TMPRSS15: variants seen among roughly 807,000 people sequenced by gnomAD.
TMPRSS15 encodes enteropeptidase.
TMPRSS15 carries 128 observed loss-of-function variants against 125.3 expected under a neutral mutation model. The observed-to-expected ratio is 1.02, with a 90% CI of 0.89 to 1.18. The LOEUF is 1.18. TMPRSS15 is among the 50% of genes most tolerant of loss of function. The pLI is 0.00. For synonymous variants in TMPRSS15, 446 were observed against 423.2 expected (o/e 1.05, Z -0.66); for missense variants, 1,283 against 1,212.7 (o/e 1.06, Z -0.86).
chr21:18,288,857 C>A (rs926622334), intron 21 of TMPRSS15, among the ~76,000 whole-genome samples: 44 of 152,062 alleles, frequency 2.9e-4, no homozygotes, highest in African/African-American at 1.0e-3. Context: ...TTTTTATCTG[C>A]AAATATTACC....
At chr21:18,451,601 A>G (rs1436630523) in intron 1 of TMPRSS15, among the ~76,000 whole-genome samples, 59 of 152,180 alleles carry the variant, frequency 3.9e-4, no homozygotes, top group Admixed American at 2.0e-4. Context: ...GTGTGCTTAC[A>G]TGAGCTCTGG....
At chr21:18,397,850 T>C in intron 3 of TMPRSS15, 29 bp downstream of exon 3, 1 of 1,272,590 alleles carries the variant, frequency 7.9e-7, no homozygotes, top group Non-Finnish European at 1.1e-6. Context: ...TAATTTTCCA[T>C]CAGTAGAAAA....
chr21:18,319,274 T>G (rs549606059), intron 16 of TMPRSS15, among the ~76,000 whole-genome samples: 1 of 152,042 alleles, frequency 6.6e-6, no homozygotes, highest in Non-Finnish European at 1.5e-5. Context: ...TAGGAGTAAA[T>G]ACTACTTTTG....
At chr21:18,331,332 G>C (rs13046051) in intron 14 of TMPRSS15, among the ~76,000 whole-genome samples, 31,327 of 151,920 alleles carry the variant, frequency 0.21, 3,490 homozygotes, top group Non-Finnish European at 0.24. Flanking sequence ...ATTTAGCTTA[G>C]TGGCCTTAAC....
At chr21:18,444,347 G>A (rs2076250227) in intron 1 of TMPRSS15, among the ~76,000 whole-genome samples, 1 of 152,194 alleles carries the variant, frequency 6.6e-6, no homozygotes, top group Non-Finnish European at 1.5e-5. Flanking sequence ...CATGGTTGAA[G>A]CTGGAAACCA....
At chr21:18,443,719 C>T (rs12483571) in intron 1 of TMPRSS15, among the ~76,000 whole-genome samples, 34,146 of 152,140 alleles carry the variant, frequency 0.22, 6,179 homozygotes, top group African/African-American at 0.5. Flanking sequence ...CACTTCTGTC[C>T]GAACTCAGCC....
chr21:18,438,342 G>A (rs2076233466), intron 1 of TMPRSS15, among the ~76,000 whole-genome samples: 1 of 108,160 alleles, frequency 9.2e-6, no homozygotes, highest in Admixed American at 1.2e-4. Context: ...GGGGGGAGGG[G>A]GGAGGGATAG....
intron 1 of TMPRSS15, among the ~76,000 whole-genome samples, chr21:18,466,444 G>A (rs1449924836): frequency 2.7e-5 from 4 of 150,166 alleles, no homozygotes; most frequent in African/African-American, 9.9e-5. Context: ...CTTCTGCACA[G>A]CAAAAAAAAA....
chr21:18,471,317 A>C (rs1441191522), intron 1 of TMPRSS15, among the ~76,000 whole-genome samples: 1 of 152,060 alleles, frequency 6.6e-6, no homozygotes, highest in Non-Finnish European at 1.5e-5. Flanking sequence ...TAGATGCATT[A>C]TTGTTCCCCT....
chr21:18,325,601 TATTTCTCTTCCTATGGAAGAGAAAGAGAG>T, intron 16 of TMPRSS15, among the ~76,000 whole-genome samples: 1 of 152,086 alleles, frequency 6.6e-6, no homozygotes, highest in African/African-American at 2.4e-5. Flanking sequence ...ATTCCATAAA[TATTTCTCTTCCTATGGAAGAGAAAGAGAG>T]ATGTAGGAAG....
At chr21:18,380,587 G>A in intron 4 of TMPRSS15, 2 of 470,262 alleles carry the variant, frequency 4.3e-6, no homozygotes, top group South Asian at 1.6e-5. Flanking sequence ...CAAAGATGCT[G>A]GAATAACGTA....
chr21:18,473,382 C>T (rs1285752798), intron 1 of TMPRSS15, among the ~76,000 whole-genome samples: 6 of 152,002 alleles, frequency 3.9e-5, no homozygotes, highest in African/African-American at 1.4e-4. Context: ...TATCCATAAC[C>T]ATGACCAAGG....
intron 18 of TMPRSS15, among the ~76,000 whole-genome samples, chr21:18,306,516 C>T (rs1333130311): frequency 6.6e-6 from 1 of 152,068 alleles, no homozygotes; most frequent in East Asian, 1.9e-4. Context: ...ATTTGATGTT[C>T]CTGATATTTA....
chr21:18,347,236 T>C (rs1383523932), intron 10 of TMPRSS15, among the ~76,000 whole-genome samples: 2 of 151,840 alleles, frequency 1.3e-5, no homozygotes, highest in Middle Eastern at 3.2e-3. Flanking sequence ...TATTCTGTCA[T>C]GTATATATTT....
At chr21:18,294,785 C>G (rs2074882179) in intron 19 of TMPRSS15, 133 bp from the exon 20 acceptor site, 1 of 789,228 alleles carries the variant, frequency 1.3e-6, no homozygotes, top group African/African-American at 1.7e-5. Flanking sequence ...TGTAGGGAGA[C>G]TGAATTGTAA....
At position 18,419,648 on chromosome 21, in the gene TMPRSS15, T is replaced by C. The variant is rs186760190; in HGVS notation, c.11-21319A>G. Among the ~76,000 whole-genome samples the C allele has an allele frequency of 1.6e-4, 25 of 152,306 alleles. No individual in the cohort carries two copies. In the East Asian group the frequency reaches 3.1e-3, roughly 19 times the overall value. ...GCTTTCCTCCCCGAAATTTTAACTA[T>C]GGAGATCCACCTCTACGTTTTATTT... is the stretch of plus-strand genomic sequence containing the variant. On this transcript the variant is annotated intron_variant, in intron 1 of 7. Transcript: ENST00000422787.
intron 3 of TMPRSS15, among the ~76,000 whole-genome samples, chr21:18,385,340 C>A (rs1001552350): frequency 1.3e-5 from 2 of 152,168 alleles, no homozygotes; most frequent in African/African-American, 2.4e-5. Flanking sequence ...GGCTGGCTAA[C>A]CCCTAATTTT....
At chr21:18,352,414 G>A (rs571659128) in intron 10 of TMPRSS15, among the ~76,000 whole-genome samples, 1 of 152,166 alleles carries the variant, frequency 6.6e-6, no homozygotes, top group East Asian at 1.9e-4. Context: ...AATCTTGTAT[G>A]TTGAAAATGC....
In TMPRSS15 at chr21:18,297,787, T is replaced by C. The variant is rs1171489460; in HGVS notation, c.2208A>G (p.Gly736=). ...SSKPIFPTDG[G]PFVKLNTAPD... is the part of the protein sequence containing the mutation. ...GTGCTGTGTTTAATTTGACAAATGG[T>C]CCACCATCGGTAGGGAAGATTGGCT... Residue 736 remains glycine (G), a synonymous_variant, in exon 19 of 25, where the codon GGA becomes GGG. Transcript: ENST00000284885. The C allele has an allele frequency of 6.2e-7, 1 of 1,613,658 alleles. No individual in the cohort carries two copies. The highest frequency in any genetic ancestry group is 2.2e-5 in the East Asian group (1 of 44,834).
Sources: gnomAD v4.1 joint callset for allele counts (sites outside exome capture counted in the v4.1 genomes callset) on GRCh38, gnomAD v4.1.1 for gene constraint, MANE v1.5 for transcripts, NCBI Gene and HGNC (gene_info 2026-07-23, HGNC 2026-07-21) for gene names.